Variants in SNTG1 observed in about 807,000 individuals in gnomAD.
SNTG1 encodes gamma-1-syntrophin.
SNTG1 carries 39 observed loss-of-function variants against 74.7 expected under a neutral mutation model. The observed-to-expected ratio is 0.52, with a 90% confidence interval of 0.40 to 0.68. The LOEUF is 0.68. SNTG1 is among the 30% of genes least tolerant of loss of function. The pLI is 0.00. For synonymous variants in SNTG1, 254 were observed against 217.1 expected (o/e 1.17, Z -1.49); for missense variants, 685 against 609.5 (o/e 1.12, Z -1.30).
chr8:50,658,940 C>G (rs2095201178), intron 15 of SNTG1, among the ~76,000 whole-genome samples: 1 of 151,966 alleles, frequency 6.6e-6, no homozygotes, highest in African/African-American at 2.4e-5. Context: ...CAGGAGTTCA[C>G]TGGGGAAGAA....
intron 1 of SNTG1, among the ~76,000 whole-genome samples, chr8:50,038,935 C>G (rs1193824001): frequency 6.6e-6 from 1 of 152,172 alleles, no homozygotes; most frequent in African/African-American, 2.4e-5. Context: ...CATGCCCCAT[C>G]AGGTTGCATA....
At chr8:50,023,648 A>C (rs2130698138) in intron 1 of SNTG1, among the ~76,000 whole-genome samples, 1 of 152,184 alleles carries the variant, frequency 6.6e-6, no homozygotes, top group South Asian at 2.1e-4. Context: ...TGACAGTAAA[A>C]CACTTGGGAA....
At chr8:50,164,093 T>TTTTTTG in intron 1 of SNTG1, 1 of 60,662 alleles carries the variant, frequency 1.6e-5, no homozygotes, top group Admixed American at 1.3e-4. Context: ...ACACAATTTC[T>TTTTTTG]TTTTTTTTTT....
intron 2 of SNTG1, among the ~76,000 whole-genome samples, chr8:50,338,076 C>T (rs1340531620): frequency 1.9e-5 from 1 of 53,220 alleles, no homozygotes; most frequent in Non-Finnish European, 6.5e-5. Context: ...GCGGAGCTTG[C>T]AGTGAGCCGA....
At chr8:50,295,593 T>A (rs772734140) in intron 2 of SNTG1, among the ~76,000 whole-genome samples, 20 of 152,184 alleles carry the variant, frequency 1.3e-4, no homozygotes, top group Non-Finnish European at 2.6e-4. Context: ...TAGTTTCTTC[T>A]TTGTGCCATA....
intron 1 of SNTG1, among the ~76,000 whole-genome samples, chr8:49,938,640 T>TTTCTTTCTTTCTTTCTTTCC (rs1808393450): frequency 6.9e-6 from 1 of 144,722 alleles, no homozygotes; most frequent in Admixed American, 7.1e-5. Flanking sequence ...TCTTTCTTTC[T>TTTCTTTCTTTCTTTCTTTCC]TTCCTTCCTC....
chr8:50,264,403 A>G (rs1586889958), intron 2 of SNTG1, among the ~76,000 whole-genome samples: 1 of 151,868 alleles, frequency 6.6e-6, no homozygotes, highest in African/African-American at 2.4e-5. Flanking sequence ...CCCCGTCTCT[A>G]ATAAAAATAC....
At chr8:49,917,006 G>T (rs967335547) in intron 1 of SNTG1, among the ~76,000 whole-genome samples, 1 of 150,414 alleles carries the variant, frequency 6.6e-6, no homozygotes, top group Non-Finnish European at 1.5e-5. Flanking sequence ...GCCTGAATGA[G>T]ATTCTATCTC....
intron 18 of SNTG1, among the ~76,000 whole-genome samples, chr8:50,759,743 T>C (rs964671008): frequency 6.6e-6 from 1 of 152,154 alleles, no homozygotes; most frequent in African/African-American, 2.4e-5. Context: ...TTTTGGTTAC[T>C]GTAGCCTTGT....
chr8:50,188,734 T>A (rs73575355), intron 2 of SNTG1, among the ~76,000 whole-genome samples: 3,819 of 152,136 alleles, frequency 0.025, 182 homozygotes, highest in African/African-American at 0.085. Context: ...CAATACACAG[T>A]TCACAATGGA....
intron 4 of SNTG1, among the ~76,000 whole-genome samples, chr8:50,432,239 C>T (rs181185353): frequency 6.6e-6 from 1 of 152,214 alleles, no homozygotes; most frequent in African/African-American, 2.4e-5. Flanking sequence ...ATGTCCAATT[C>T]CTCCAGCACT....
At chr8:50,155,601 G>A (rs1049408307) in intron 1 of SNTG1, among the ~76,000 whole-genome samples, 3 of 151,828 alleles carry the variant, frequency 2.0e-5, no homozygotes, top group African/African-American at 7.2e-5. Context: ...CTATGCACAG[G>A]AAACCACAAA....
At chr8:50,175,472 G>A (rs1258331246) in intron 2 of SNTG1, among the ~76,000 whole-genome samples, 1 of 152,220 alleles carries the variant, frequency 6.6e-6, no homozygotes, top group African/African-American at 2.4e-5. Context: ...GGGACAGAGA[G>A]CAAAGGATGG....
intron 11 of SNTG1, among the ~76,000 whole-genome samples, chr8:50,542,050 A>G (rs886749775): frequency 2.0e-5 from 3 of 148,646 alleles, no homozygotes; most frequent in Non-Finnish European, 4.4e-5. Context: ...GTATATATAC[A>G]TATATATATG....
chr8:50,231,361 T>A (rs1285009319), intron 2 of SNTG1, among the ~76,000 whole-genome samples: 1 of 151,376 alleles, frequency 6.6e-6, no homozygotes, highest in Non-Finnish European at 1.5e-5. Context: ...TACCATATGA[T>A]CCAGCAATCC....
chr8:50,178,450 G>A (rs1221748291), intron 2 of SNTG1, among the ~76,000 whole-genome samples: 1 of 151,694 alleles, frequency 6.6e-6, no homozygotes, highest in Non-Finnish European at 1.5e-5. Context: ...GAAATTGTTG[G>A]AGGTTATCTA....
chr8:50,408,342 T>TTA (rs753743421), intron 4 of SNTG1, among the ~76,000 whole-genome samples: 10 of 152,174 alleles, frequency 6.6e-5, no homozygotes, highest in Admixed American at 2.6e-4. Context: ...TTATTTTGGC[T>TTA]TTTGCACAGA....
At chr8:50,573,726 T>A (rs1197530342) in intron 12 of SNTG1, among the ~76,000 whole-genome samples, 1 of 151,902 alleles carries the variant, frequency 6.6e-6, no homozygotes, top group African/African-American at 2.4e-5. Flanking sequence ...TTTGTCCCCA[T>A]GTTTTAGAAA....
rs185831017 is a variant in SNTG1 at position 50,524,119 on chromosome 8, T to G, written c.467-6058T>G. Among the ~76,000 whole-genome samples the G allele has an allele frequency of 2.0e-3, 312 of 152,248 alleles. 2 individuals are homozygous for G. Among genetic ancestry groups the G allele is most frequent in the African/African-American group, 7.0e-3 (291 of 41,564 alleles). ...CCATGCTTTGATCCTTTTATCAATT[T>G]CTTTTGTGTACCCCTTATAGGTATT... On this transcript the variant is annotated intron_variant, in intron 9 of 18. Coordinates refer to ENST00000642720, the MANE Select transcript of SNTG1 (RefSeq NM_018967.5).
Sources: allele counts gnomAD v4.1 joint callset (sites outside exome capture counted in the v4.1 genomes callset), GRCh38; gene constraint gnomAD v4.1.1; transcripts MANE v1.5; gene names NCBI Gene and HGNC (gene_info 2026-07-23, HGNC 2026-07-21).